Variants in SGCB observed in about 807,000 individuals in gnomAD.
SGCB encodes the protein beta-sarcoglycan.
A neutral mutation model predicts 27.3 loss-of-function variants in SGCB; 25 were observed. That is an observed-to-expected ratio of 0.92 (90% CI 0.67 to 1.28). The LOEUF (loss-of-function observed/expected upper bound fraction) is 1.28, where lower values mean the gene tolerates loss of function less well. Among genes scored for constraint, SGCB ranks in the 50% most tolerant of loss-of-function variants. The probability of loss-of-function intolerance (pLI) is 0.00; values close to 1 mark genes in which losing one functional copy is unlikely to be tolerated. For missense variants in SGCB, 436 were observed against 402.1 expected, an observed-to-expected ratio of 1.08 and a Z score of -0.72; for synonymous variants, 147 against 133.5, an observed-to-expected ratio of 1.10 and a Z score of -0.70.
intron 1 of SGCB, among the ~76,000 whole-genome samples, 167 bp downstream of exon 1, chr4:52,038,060 G>A (rs983078435): frequency 1.3e-5 from 2 of 151,156 alleles, no homozygotes; most frequent in Non-Finnish European, 3.0e-5. Flanking sequence ...CAGCATCCTC[G>A]GCGGGGCACA....
In SGCB at chr4:52,033,461, G is replaced by A; in HGVS notation, c.213C>T (p.Leu71=). The A allele has an allele frequency of 6.2e-7, 1 of 1,613,030 alleles. No homozygotes were observed. Among genetic ancestry groups the A allele is most frequent in the Non-Finnish European group, 8.5e-7 (1 of 1,179,024 alleles). ...AATTGATGACAGCCAGGATAAACAA[G>A]AGGATAATCACACAGATGGCTAAAT... is the stretch of plus-strand genomic sequence containing the variant. The part of the protein sequence containing the change: ...KGNLAICVII[L]LFILAVINLI... Residue 71 remains leucine, a synonymous_variant, in exon 2 of 6, where the codon CTC becomes CTT. Coordinates refer to ENST00000381431, the MANE Select transcript of SGCB (RefSeq NM_000232.5).
Position 52,033,504 on chromosome 4 carries a change from A to G in SGCB, c.170T>C (p.Leu57Ser). The change falls in exon 2 of 6, where the codon TTG (leucine) becomes TCG (serine). Residue 57 changes from leucine (L) to serine (S), a missense_variant. Physicochemically the swap from Leu to Ser is moderately radical, Grantham distance 145 (BLOSUM62 -2). Transcript: ENST00000381431. ...IDEDRLHKTG[L>S]RGRKGNLAIC... is the part of the protein sequence containing the mutation. ...GGCTAAATTGCCCTTTCTTCCTCTC[A>G]ACCCTGTTTTGTGGAGACGATCTTC... is the stretch of plus-strand genomic sequence containing the variant. The G allele has an allele frequency of 6.2e-7, 1 of 1,613,802 alleles. No homozygotes were observed. Among genetic ancestry groups the G allele is most frequent in the Non-Finnish European group, 8.5e-7 (1 of 1,179,740 alleles).
intron 5 of SGCB, among the ~76,000 whole-genome samples, chr4:52,027,721 A>G (rs1309956668): frequency 6.6e-6 from 1 of 152,104 alleles, no homozygotes; most frequent in African/African-American, 2.4e-5. Flanking sequence ...ATCCACAGCT[A>G]AACATTGTTG....
At chr4:52,029,067 T>C in intron 3 of SGCB, 146 bp from the exon 4 acceptor site, 1 of 643,552 alleles carries the variant, frequency 1.6e-6, no homozygotes, top group Non-Finnish European at 2.7e-6. Flanking sequence ...TAACTCTGTC[T>C]GTTCTCCCTC....
rs528502903 is a variant in SGCB, at chr4:52,034,454, GTTTACA to G, written c.34-820_34-815del. Among the ~76,000 whole-genome samples, 5 of 141,352 alleles carry G rather than the reference GTTTACA, an allele frequency of 3.5e-5. No individual in the cohort carries two copies. In the South Asian group the frequency reaches 1.2e-3, roughly 33 times the overall value. 92.7% of individuals were successfully genotyped at this position (141,352 alleles called of 152,430 possible). A position where few individuals can be genotyped will look rare whatever the true frequency, so the allele number is the denominator to read the frequency against. ...CCCTAAACAATACAGTATAACAACTGTTTACATAGTGTTTACATTGTGTTCAGTGTT... is the reference window on the plus strand; with the variant it reads ...CCCTAAACAATACAGTATAACAACTGTAGTGTTTACATTGTGTTCAGTGTT... On this transcript the variant is annotated intron_variant, in intron 1 of 5. Transcript: ENST00000381431.
Position 52,033,576 on chromosome 4 carries a change from T to C in SGCB, c.98A>G (p.Asn33Ser). 1 of 1,613,972 alleles carries C rather than the reference T, an allele frequency of 6.2e-7. No individual in the cohort carries two copies. Among genetic ancestry groups the C allele is most frequent in the Non-Finnish European group, 8.5e-7 (1 of 1,179,846 alleles). ...TTTAAAGTTACTGTTGTGCTCTTTA[T>C]TGACACTCCTTCTCTCAACAGCCTT... ...REKAVERRSV[N>S]KEHNSNFKAG... Residue 33 changes from asparagine to serine, a missense_variant, in exon 2 of 6, where the codon AAT (asparagine) becomes AGT (serine). Coordinates refer to ENST00000381431, the MANE Select transcript of SGCB (RefSeq NM_000232.5).
In SGCB at chr4:52,028,898, T is replaced by C. The variant is rs1560567417; in HGVS notation, c.453A>G (p.Thr151=). The change falls in exon 4 of 6, where the codon ACA becomes ACG. Residue 151 remains threonine, a synonymous_variant. Coordinates refer to ENST00000381431, the MANE Select transcript of SGCB (RefSeq NM_000232.5). The part of the protein sequence containing the change: ...NQPIVFQQGT[T]KLSVENNKTS... Reference sequence around the variant, plus strand: ...TTTTGTTGTTTTCTACACTGAGCTTTGTTGTCCCTTGCTGAAAAACAATCT... The same window carrying C: ...TTTTGTTGTTTTCTACACTGAGCTTCGTTGTCCCTTGCTGAAAAACAATCT... The C allele has an allele frequency of 6.2e-7, 1 of 1,613,918 alleles. No homozygotes were observed. The highest frequency in any genetic ancestry group is 8.5e-7 in the Non-Finnish European group (1 of 1,179,822).
chr4:52,028,425 CAGG>C (rs1737163237), intron 4 of SGCB, among the ~76,000 whole-genome samples: 1 of 152,144 alleles, frequency 6.6e-6, no homozygotes, highest in South Asian at 2.1e-4. Flanking sequence ...ATCACGAGGT[CAGG>C]AGATCGAGAC....
At chr4:52,035,772 T>A (rs1329817670) in intron 1 of SGCB, among the ~76,000 whole-genome samples, 2 of 152,094 alleles carry the variant, frequency 1.3e-5, no homozygotes, top group East Asian at 3.9e-4. Flanking sequence ...TGTAGTCAGG[T>A]TCCAAAAAAG....
At chr4:52,035,208 T>G (rs533635433) in intron 1 of SGCB, among the ~76,000 whole-genome samples, 1 of 152,358 alleles carries the variant, frequency 6.6e-6, no homozygotes, top group South Asian at 2.1e-4. Flanking sequence ...TATTAAGCAC[T>G]TTACGCTTAA....
intron 1 of SGCB, among the ~76,000 whole-genome samples, chr4:52,035,497 C>T (rs1485193978): frequency 1.3e-5 from 2 of 151,984 alleles, no homozygotes; most frequent in African/African-American, 4.8e-5. Flanking sequence ...AAAAGTAGGG[C>T]CAGGTTGTGA....
intron 2 of SGCB, among the ~76,000 whole-genome samples, chr4:52,032,257 G>C (rs1737268219): frequency 1.3e-5 from 2 of 152,118 alleles, no homozygotes; most frequent in African/African-American, 4.8e-5. Flanking sequence ...CAAGGTACTG[G>C]AACTTCTAAT....
intron 3 of SGCB, 63 bp from the exon 4 acceptor site, chr4:52,028,984 A>ACAATAT: frequency 8.1e-7 from 1 of 1,233,556 alleles, no homozygotes; most frequent in Non-Finnish European, 1.2e-6. Context: ...AAATTCCTGA[A>ACAATAT]CAATATATTT....
At chr4:52,029,370 G>T (rs894631206) in intron 3 of SGCB, among the ~76,000 whole-genome samples, 8 of 152,280 alleles carry the variant, frequency 5.3e-5, no homozygotes, top group African/African-American at 1.7e-4. Flanking sequence ...GAGGAGAAAA[G>T]AGTAACCTAT....
chr4:52,037,060 T>C (rs564053992), intron 1 of SGCB, among the ~76,000 whole-genome samples: 2 of 152,180 alleles, frequency 1.3e-5, no homozygotes, highest in African/African-American at 4.8e-5. Context: ...AAAGCAAAAA[T>C]AGAACCAGAT....
At position 52,023,125 on chromosome 4, in the gene SGCB, C is replaced by T. The variant is rs1737000449; in HGVS notation, c.*832G>A. On this transcript the variant is annotated 3_prime_UTR_variant, in exon 6 of 6. Coordinates refer to ENST00000381431, the MANE Select transcript of SGCB (RefSeq NM_000232.5). ...CTGAATTCCAATCCCAACTCTGCTA[C>T]TTACTATATGATGTTGAGCAAGTTT... The T allele has an allele frequency of 6.6e-6, 1 of 152,166 alleles. No individual in the cohort carries two copies. The highest frequency in any genetic ancestry group is 1.5e-5 in the Non-Finnish European group (1 of 68,020). 9.4% of individuals were successfully genotyped at this position (152,166 alleles called of 1,614,324 possible).
Position 52,022,062 on chromosome 4 carries a change from C to A in SGCB, c.*1895G>T, listed in dbSNP as rs1032609433. The A allele has an allele frequency of 1.9e-4, 29 of 152,158 alleles. No individual in the cohort carries two copies. The highest frequency in any genetic ancestry group is 6.8e-4 in the African/African-American group (28 of 41,414). 9.4% of individuals were successfully genotyped at this position (152,158 alleles called of 1,614,324 possible). On this transcript the variant is annotated 3_prime_UTR_variant, in exon 6 of 6. Coordinates refer to ENST00000381431, the MANE Select transcript of SGCB (RefSeq NM_000232.5). The stretch of plus-strand genomic sequence containing the variant: ...ATATGCAATTTAATTTATGGACCAT[C>A]TGAATAAAAATTTCGGCATTTTTTT...
At position 52,033,761 on chromosome 4, in the gene SGCB, T is replaced by C. The variant is rs538311632; in HGVS notation, c.34-121A>G. ...TGGTTACTGACACATTTTCCATGAA[T>C]AAACTGCAAATCACATTGAGTTGCA... On this transcript the variant is annotated intron_variant, in intron 1 of 5. Coordinates refer to ENST00000381431, the MANE Select transcript of SGCB (RefSeq NM_000232.5). 216 of 767,222 alleles carry C rather than the reference T, an allele frequency of 2.8e-4. 1 individual carries two copies. In the South Asian group the frequency reaches 3.0e-3, roughly 11 times the overall value. The allele number at this position is 767,222 out of a possible 1,614,324, so 47.5% of individuals were successfully genotyped here. A position where few individuals can be genotyped will look rare whatever the true frequency, so the allele number is the denominator to read the frequency against.
Position 52,022,710 on chromosome 4 carries a change from C to T in SGCB, c.*1247G>A, listed in dbSNP as rs1299477584. 2 of 152,218 alleles carry T rather than the reference C, an allele frequency of 1.3e-5. No individual in the cohort carries two copies. The highest frequency in any genetic ancestry group is 1.3e-4 in the Admixed American group (2 of 15,282). 9.4% of individuals were successfully genotyped at this position (152,218 alleles called of 1,614,324 possible). Reference sequence around the variant, plus strand: ...AACTTGTTTGGGTCTATGGCCTCCCCACTTTCCACTGTGTTGCCCCGAGTG... The same window carrying T: ...AACTTGTTTGGGTCTATGGCCTCCCTACTTTCCACTGTGTTGCCCCGAGTG... On this transcript the variant is annotated 3_prime_UTR_variant, in exon 6 of 6. Transcript: ENST00000381431.
Sources: gnomAD v4.1 joint callset for allele counts (sites outside exome capture counted in the v4.1 genomes callset) on GRCh38, gnomAD v4.1.1 for gene constraint, MANE v1.5 for transcripts, NCBI Gene and HGNC (gene_info 2026-07-23, HGNC 2026-07-21) for gene names.